Variants in SAMD15 observed in about 807,000 individuals in gnomAD.
The protein encoded by SAMD15 is sterile alpha motif domain containing 15, also known as sterile alpha motif domain-containing protein 15.
In SAMD15, 37 loss-of-function variants were observed where a neutral mutation model predicts 50.5. The observed-to-expected ratio is 0.73, with a 90% confidence interval of 0.56 to 0.96. The LOEUF is 0.96. Ranked by LOEUF, SAMD15 falls within the 40% of genes least tolerant of loss-of-function variation. The pLI is 0.00. For synonymous variants in SAMD15, 255 were observed against 282.8 expected (o/e 0.90, Z 0.99); for missense variants, 789 against 783.8 (o/e 1.01, Z -0.08).
At position 77,380,465 on chromosome 14, in the gene SAMD15, A is replaced by C. The variant is rs2139649357; in HGVS notation, c.1772A>C (p.Asn591Thr). The change falls in exon 2 of 3, where the codon AAC becomes ACC. Residue 591 changes from asparagine (N) to threonine (T), a missense_variant. Transcript: ENST00000216471. ...CSNLPQMGIT[N>T]FEDMKAISRH... The stretch of plus-strand genomic sequence containing the variant: ...AACCTCCCTCAGATGGGGATAACAA[A>C]CTTTGAGGACATGAAGGTGAGTTGT... 1 of 1,612,054 alleles carries C rather than the reference A, an allele frequency of 6.2e-7. No homozygotes were observed. Among genetic ancestry groups the C allele is most frequent in the East Asian group, 2.2e-5 (1 of 44,850 alleles).
chr14:77,385,793 A>G (rs139290128), intron 2 of SAMD15, among the ~76,000 whole-genome samples: 1 of 151,466 alleles, frequency 6.6e-6, no homozygotes, highest in Admixed American at 6.6e-5. Flanking sequence ...GTCTTACTCT[A>G]TAATACAGTT....
rs546824749 is a variant in SAMD15 at position 77,378,794 on chromosome 14, A to T, written c.1376A>T (p.Tyr459Phe). Reference sequence around the variant, plus strand: ...CTAAGTGACAAATTTAGAAAAGAATATTACGCATTAGGATCTCTCAGAGAA... The same window carrying T: ...CTAAGTGACAAATTTAGAAAAGAATTTTACGCATTAGGATCTCTCAGAGAA... ...LSLSDKFRKE[Y>F]YALGSLRESE... The change falls in exon 1 of 3, where the codon TAT (tyrosine) becomes TTT (phenylalanine). Residue 459 changes from tyrosine (Y) to phenylalanine (F), a missense_variant. Physicochemically the swap from Tyr to Phe is conservative, Grantham distance 22. Around this residue, in one of 2 missense-constraint regions of SAMD15, gnomAD observed 770 missense variants for 745.4 expected, o/e 1.03. Transcript: ENST00000216471. 6.2e-7 allele frequency: 1 copy of T among 1,612,738 alleles called. No individual in the cohort carries two copies. Among genetic ancestry groups the T allele is most frequent in the African/African-American group, 1.3e-5 (1 of 74,934 alleles).
At position 77,378,841 on chromosome 14, in the gene SAMD15, CATT is replaced by C. The variant is rs1893903779; in HGVS notation, c.1426_1428del (p.Tyr476del). On this transcript the variant is annotated inframe_deletion, in exon 1 of 3. Coordinates refer to ENST00000216471, the MANE Select transcript of SAMD15 (RefSeq NM_001010860.4). ...AGAAAGTGAAGAATCAATTGGTACA[CATT>C]ATGAGTTTTTGCAACCACTCCAAAA... The C allele has an allele frequency of 6.2e-7, 1 of 1,613,986 alleles. No individual in the cohort carries two copies. Among genetic ancestry groups the C allele is most frequent in the South Asian group, 1.1e-5 (1 of 91,008 alleles).
Position 77,378,991 on chromosome 14 carries a change from T to C in SAMD15, c.1573T>C (p.Ser525Pro). ...DLSQELKERV[S>P]EDDETQPEKG... is the part of the protein sequence containing the mutation. Reference sequence around the variant, plus strand: ...GTCCCAAGAGTTGAAGGAACGGGTCTCTGAAGATGACGAAACCCAGCCAGA... The same window carrying C: ...GTCCCAAGAGTTGAAGGAACGGGTCCCTGAAGATGACGAAACCCAGCCAGA... Residue 525 changes from serine (S) to proline (P), a missense_variant, in exon 1 of 3, where the codon TCT (serine) becomes CCT (proline). This residue lies in a region of SAMD15 where 770 missense variants were observed against 745.4 expected (regional missense o/e 1.03). Coordinates refer to ENST00000216471, the MANE Select transcript of SAMD15 (RefSeq NM_001010860.4). 3 of 1,614,082 alleles carry C rather than the reference T, an allele frequency of 1.9e-6. No homozygotes were observed. The highest frequency in any genetic ancestry group is 2.2e-5 in the East Asian group (1 of 44,892).
chr14:77,385,183 A>G (rs1243225673), intron 2 of SAMD15, among the ~76,000 whole-genome samples: 3 of 152,026 alleles, frequency 2.0e-5, no homozygotes, highest in African/African-American at 7.2e-5. Flanking sequence ...ACTCCATCTC[A>G]AAAAAAGATT....
chr14:77,380,106 C>A (rs886172934), intron 1 of SAMD15, among the ~76,000 whole-genome samples: 1 of 151,988 alleles, frequency 6.6e-6, no homozygotes, highest in Admixed American at 6.6e-5. Context: ...AAAATTGTGC[C>A]GTTATTGGGA....
At chr14:77,380,949 A>G (rs1893936511) in intron 2 of SAMD15, among the ~76,000 whole-genome samples, 1 of 152,100 alleles carries the variant, frequency 6.6e-6, no homozygotes, top group African/African-American at 2.4e-5. Context: ...ACTCCTCCAC[A>G]TGAATTTTGT....
chr14:77,383,710 C>G (rs1237053651), intron 2 of SAMD15, among the ~76,000 whole-genome samples: 1 of 150,266 alleles, frequency 6.7e-6, no homozygotes, highest in South Asian at 2.1e-4. Context: ...TGGTGGCTCA[C>G]GCCTGTAATC....
chr14:77,384,051 G>T (rs1372643617), intron 2 of SAMD15, among the ~76,000 whole-genome samples: 1 of 149,674 alleles, frequency 6.7e-6, no homozygotes, highest in Non-Finnish European at 1.5e-5. Context: ...GGTCATACAT[G>T]CTGTAGCTGT....
chr14:77,386,061 G>T (rs998788804), intron 2 of SAMD15, among the ~76,000 whole-genome samples: 1 of 151,880 alleles, frequency 6.6e-6, no homozygotes, highest in Non-Finnish European at 1.5e-5. Context: ...TCGCCATATT[G>T]CCCAGGCTGG....
chr14:77,378,135 G>T lies in SAMD15; in HGVS notation c.717G>T (p.Glu239Asp), dbSNP rs372817547. ...AGCCACCAAAGATGACCAAACCAGA[G>T]ACTCCAGAGGAGACACAAAGAGAGT... The part of the protein sequence containing the change: ...DLQPPKMTKP[E>D]TPEETQREST... The change falls in exon 1 of 3, where the codon GAG becomes GAT. Residue 239 changes from glutamate to aspartate, a missense_variant. This residue lies in a region of SAMD15 where 770 missense variants were observed against 745.4 expected (regional missense o/e 1.03). Coordinates refer to ENST00000216471, the MANE Select transcript of SAMD15 (RefSeq NM_001010860.4). 4.6e-5 allele frequency: 75 copies of T among 1,613,348 alleles called. No individual in the cohort carries two copies. The highest frequency in any genetic ancestry group is 1.6e-4 in the Middle Eastern group (1 of 6,084).
rs764199192 is a variant in SAMD15, at chr14:77,378,320, G to A, written c.902G>A (p.Gly301Glu). Residue 301 changes from glycine (G) to glutamate (E), a missense_variant, in exon 1 of 3, where the codon GGG becomes GAG. Transcript: ENST00000216471. The part of the protein sequence containing the change: ...EMQRKATEEK[G>E]TELPERTKPD... Reference sequence around the variant, plus strand: ...CAAAGAAAGGCAACTGAGGAGAAAGGGACAGAACTACCTGAGCGGACTAAA... The same window carrying A: ...CAAAGAAAGGCAACTGAGGAGAAAGAGACAGAACTACCTGAGCGGACTAAA... 3 of 1,612,196 alleles carry A rather than the reference G, an allele frequency of 1.9e-6. No homozygotes were observed. In the South Asian group the frequency reaches 3.3e-5, roughly 18 times the overall value.
At chr14:77,382,504 C>T (rs1016496696) in intron 2 of SAMD15, among the ~76,000 whole-genome samples, 3 of 152,120 alleles carry the variant, frequency 2.0e-5, no homozygotes, top group Admixed American at 6.5e-5. Flanking sequence ...AGTGATCTGC[C>T]GGCCTTGGCC....
chr14:77,379,537 G>A (rs1300778317), intron 1 of SAMD15, among the ~76,000 whole-genome samples: 1 of 151,996 alleles, frequency 6.6e-6, no homozygotes, highest in African/African-American at 2.4e-5. Flanking sequence ...GACTACAGGC[G>A]CCCGCCACCA....
At chr14:77,379,476 C>T (rs978778434) in intron 1 of SAMD15, among the ~76,000 whole-genome samples, 3 of 152,020 alleles carry the variant, frequency 2.0e-5, no homozygotes, top group African/African-American at 7.2e-5. Flanking sequence ...CTCCACCTTC[C>T]CCAGGTTCAC....
Position 77,378,466 on chromosome 14 carries a change from C to G in SAMD15, c.1048C>G (p.Leu350Val), listed in dbSNP as rs372764538. The change falls in exon 1 of 3, where the codon CTA becomes GTA. Residue 350 changes from leucine (L) to valine (V), a missense_variant. Leu to Val is a conservative substitution (Grantham distance 32, BLOSUM62 1). Transcript: ENST00000216471. Reference protein sequence around the residue: ...ESRKTNEETILEQSEMMKPES... With the variant: ...ESRKTNEETIVEQSEMMKPES... ...AAGAAAAACAAATGAGGAAACAATT[C>G]TAGAACAATCAGAAATGATGAAACC... is the stretch of plus-strand genomic sequence containing the variant. 1.2e-6 allele frequency: 2 copies of G among 1,612,906 alleles called. No homozygotes were observed. Among genetic ancestry groups the G allele is most frequent in the South Asian group, 2.2e-5 (2 of 90,842 alleles).
chr14:77,378,829 T>G lies in SAMD15; in HGVS notation c.1411T>G (p.Ser471Ala). 6.2e-7 allele frequency: 1 copy of G among 1,613,794 alleles called. No individual in the cohort carries two copies. Among genetic ancestry groups the G allele is most frequent in the Non-Finnish European group, 8.5e-7 (1 of 1,179,940 alleles). Residue 471 changes from serine (S) to alanine (A), a missense_variant, in exon 1 of 3, where the codon TCA (serine) becomes GCA (alanine). By Grantham distance (99) the Ser-to-Ala change is moderately conservative. Transcript: ENST00000216471. ...AGGATCTCTCAGAGAAAGTGAAGAATCAATTGGTACACATTATGAGTTTTT... is the reference window on the plus strand; with the variant it reads ...AGGATCTCTCAGAGAAAGTGAAGAAGCAATTGGTACACATTATGAGTTTTT... ...ALGSLRESEESIGTHYEFLQP... is the reference protein window; with the variant it reads ...ALGSLRESEEAIGTHYEFLQP...
At chr14:77,380,314 C>T (rs137887956) in intron 1 of SAMD15, 69 bp from the exon 2 acceptor site, 4 of 939,812 alleles carry the variant, frequency 4.3e-6, no homozygotes, top group East Asian at 4.9e-5. Context: ...TCCCTTCCTC[C>T]CCCTTCCCTC....
intron 2 of SAMD15, among the ~76,000 whole-genome samples, chr14:77,382,660 G>A (rs1361567605): frequency 6.6e-6 from 1 of 151,984 alleles, no homozygotes; most frequent in Non-Finnish European, 1.5e-5. Flanking sequence ...GAACATTTTT[G>A]TTACCATAAA....
Sources: gnomAD v4.1 joint callset for allele counts (sites outside exome capture counted in the v4.1 genomes callset) on GRCh38, gnomAD v4.1.1 for gene constraint, gnomAD v4.1.1 regional missense constraint, MANE v1.5 for transcripts, NCBI Gene and HGNC (gene_info 2026-07-23, HGNC 2026-07-21) for gene names.